MINAR1: variants seen among roughly 807,000 people sequenced by gnomAD.
MINAR1 encodes membrane integral NOTCH2 associated receptor 1.
MINAR1 carries 40 observed loss-of-function variants against 65.1 expected under a neutral mutation model. The ratio of observed to expected loss-of-function variants is 0.61; its 90% CI spans 0.48 to 0.80. The LOEUF (loss-of-function observed/expected upper bound fraction) is 0.80, where lower values mean the gene tolerates loss of function less well. Ranked by LOEUF, MINAR1 falls within the 30% of genes least tolerant of loss-of-function variation. The probability of loss-of-function intolerance (pLI) is 0.00; values close to 1 mark genes in which losing one functional copy is unlikely to be tolerated. For missense variants in MINAR1, 1,128 were observed against 1,148.0 expected (o/e 0.98, Z 0.25); for synonymous variants, 482 against 449.1 (o/e 1.07, Z -0.93).
chr15:79,411,779 C>T, the MINAR1 span: 1 of 385,074 alleles, frequency 2.6e-6, no homozygotes. Context: ...AGCACTTCAG[C>T]CTGGGTGGAG....
At chr15:79,464,174 T>G (rs1194587494) in intron 3 of MINAR1, among the ~76,000 whole-genome samples, 1 of 152,208 alleles carries the variant, frequency 6.6e-6, no homozygotes, top group African/African-American at 2.4e-5. Context: ...TGGGTTTTCA[T>G]CCAGGACTCT....
the MINAR1 span, chr15:79,426,009 A>G: frequency 1.3e-5 from 2 of 152,300 alleles, no homozygotes; most frequent in Admixed American, 6.5e-5. Context: ...TCAAAAGCCA[A>G]TCTCTCATGC....
At position 79,456,508 on chromosome 15, in the gene MINAR1, T is replaced by A; in HGVS notation, c.361T>A (p.Ser121Thr). 1 of 1,614,012 alleles carries A rather than the reference T, an allele frequency of 6.2e-7. No homozygotes were observed. Among genetic ancestry groups the A allele is most frequent in the Middle Eastern group, 1.6e-4 (1 of 6,062 alleles). ...KVRKKEASFE[S>T]CRSDTEICNA... ...ACGCAAGAAGGAGGCATCCTTTGAA[T>A]CATGTAGGTCGGACACAGAGATCTG... The change falls in exon 2 of 4, where the codon TCA becomes ACA. Residue 121 changes from serine (S) to threonine (T), a missense_variant. Transcript: ENST00000305428.
the MINAR1 span, chr15:79,422,546 C>A: frequency 7.0e-6 from 1 of 142,396 alleles, no homozygotes; most frequent in African/African-American, 2.6e-5. Flanking sequence ...GAAACTCTGT[C>A]TCCAAAAAAA....
At chr15:79,464,067 T>A (rs1895750436) in intron 3 of MINAR1, among the ~76,000 whole-genome samples, 1 of 152,098 alleles carries the variant, frequency 6.6e-6, no homozygotes, top group East Asian at 1.9e-4. Flanking sequence ...CCTGTGGAGA[T>A]CGGGTATGGC....
At chr15:79,463,416 C>T in intron 3 of MINAR1, 95 bp downstream of exon 3, 1 of 1,424,640 alleles carries the variant, frequency 7.0e-7, no homozygotes, top group Non-Finnish European at 9.6e-7. Flanking sequence ...GGCCAGCCCA[C>T]TTCCACACCC....
chr15:79,444,446 A>G (rs967350231), intron 1 of MINAR1, among the ~76,000 whole-genome samples: 5 of 152,060 alleles, frequency 3.3e-5, no homozygotes, highest in Non-Finnish European at 7.4e-5. Context: ...TTTTTCTCGT[A>G]ACATTAGTTG....
At chr15:79,463,745 T>C (rs1490963896) in intron 3 of MINAR1, 1 of 459,722 alleles carries the variant, frequency 2.2e-6, no homozygotes, top group African/African-American at 2.0e-5. Context: ...TATGTTTCCA[T>C]ACGGAGCAGC....
Position 79,463,232 on chromosome 15 carries a change from G to A in MINAR1, c.2464G>A (p.Glu822Lys), listed in dbSNP as rs148088993. The change falls in exon 3 of 4, where the codon GAG (glutamate) becomes AAG (lysine). Residue 822 changes from glutamate (E) to lysine (K), a missense_variant. By Grantham distance (56) the Glu-to-Lys change is moderately conservative. Transcript: ENST00000305428. ...AGACATGCGGCTGACCGAGTTGGCC[G>A]AGGTGAAGCGGGGCCAACCTTCTTG... is the stretch of plus-strand genomic sequence containing the variant. ...YTDMRLTELA[E>K]VKRGQPSWTI... 9.1e-5 allele frequency: 147 copies of A among 1,614,236 alleles called. No homozygotes were observed. In the African/African-American group the frequency reaches 1.5e-3, roughly 16 times the overall value.
chr15:79,418,547 T>C, the MINAR1 span: 1 of 152,218 alleles, frequency 6.6e-6, no homozygotes, highest in African/African-American at 2.4e-5. Flanking sequence ...GAATCTGTGA[T>C]GGGTCCTTGA....
At chr15:79,419,174 C>T in the MINAR1 span, 2 of 152,246 alleles carry the variant, frequency 1.3e-5, no homozygotes, top group Non-Finnish European at 2.9e-5. Flanking sequence ...GAGGGCAAGA[C>T]CTCGCAGGAA....
At chr15:79,435,316 G>A (rs1409028121) in intron 1 of MINAR1, among the ~76,000 whole-genome samples, 1 of 152,052 alleles carries the variant, frequency 6.6e-6, no homozygotes, top group African/African-American at 2.4e-5. Context: ...TTAAGAGCAA[G>A]GGAGGGACAT....
At chr15:79,467,809 G>T (rs1895926700) in intron 3 of MINAR1, among the ~76,000 whole-genome samples, 1 of 152,224 alleles carries the variant, frequency 6.6e-6, no homozygotes, top group South Asian at 2.1e-4. Context: ...CCTGTTGGAA[G>T]AAAGCATTTT....
chr15:79,428,572 C>T (rs1232567011), upstream of MINAR1, among the ~76,000 whole-genome samples: 4 of 148,626 alleles, frequency 2.7e-5, no homozygotes, highest in Non-Finnish European at 3.0e-5. Context: ...CATTTTCAGT[C>T]ACAAACTTTT....
At chr15:79,449,251 T>G (rs7169963) in intron 1 of MINAR1, among the ~76,000 whole-genome samples, 46,620 of 152,088 alleles carry the variant, frequency 0.31, 8,528 homozygotes, top group African/African-American at 0.52. Flanking sequence ...CATCTTAACC[T>G]CAGGCTTGCT....
chr15:79,468,039 A>G (rs568413533), intron 3 of MINAR1, 148 bp from the exon 4 acceptor site: 2 of 633,286 alleles, frequency 3.2e-6, no homozygotes, highest in Non-Finnish European at 5.6e-6. Flanking sequence ...TGCCTCAGGC[A>G]TGGGGCTGGT....
At chr15:79,441,554 CTGAT>C (rs1894869971) in intron 1 of MINAR1, among the ~76,000 whole-genome samples, 1 of 152,034 alleles carries the variant, frequency 6.6e-6, no homozygotes, top group Admixed American at 6.5e-5. Context: ...TTACATATAT[CTGAT>C]TATTTTCTTC....
At position 79,458,166 on chromosome 15, in the gene MINAR1, C is replaced by G. The variant is rs775830157; in HGVS notation, c.2019C>G (p.Pro673=). 4.3e-6 allele frequency: 7 copies of G among 1,614,134 alleles called. No homozygotes were observed. Among genetic ancestry groups the G allele is most frequent in the Non-Finnish European group, 5.9e-6 (7 of 1,180,036 alleles). Reference sequence around the variant, plus strand: ...ACGCACACAGTGGCTCCCACGGACCCAAACTAGAGAACAACCCTGACTGGT... The same window carrying G: ...ACGCACACAGTGGCTCCCACGGACCGAAACTAGAGAACAACCCTGACTGGT... ...MFHAHSGSHG[P]KLENNPDWCC... Residue 673 remains proline (P), a synonymous_variant, in exon 2 of 4, where the codon CCC becomes CCG. Transcript: ENST00000305428.
chr15:79,417,764 GC>G, the MINAR1 span: 1 of 152,272 alleles, frequency 6.6e-6, no homozygotes, highest in Non-Finnish European at 1.5e-5. Flanking sequence ...AAGCAGCCAG[GC>G]TTAGAGCCAT....
Sources: allele counts gnomAD v4.1 joint callset (sites outside exome capture counted in the v4.1 genomes callset), GRCh38; gene constraint gnomAD v4.1.1; transcripts MANE v1.5; gene names NCBI Gene and HGNC (gene_info 2026-07-23, HGNC 2026-07-21).